The following SPON1 variants were observed in gnomAD, a reference collection of about 807,000 sequenced individuals.
SPON1 encodes the protein spondin-1.
SPON1 carries 52 observed loss-of-function variants against 111.7 expected under a neutral mutation model. The ratio of observed to expected loss-of-function variants is 0.47; its 90% confidence interval spans 0.37 to 0.59. The LOEUF (loss-of-function observed/expected upper bound fraction) is 0.59, where lower values mean the gene tolerates loss of function less well. Ranked by LOEUF, SPON1 falls within the 20% of genes least tolerant of loss-of-function variation. The probability of loss-of-function intolerance (pLI) is 0.00; values close to 1 mark genes in which losing one functional copy is unlikely to be tolerated. For synonymous variants in SPON1, 410 were observed against 395.8 expected, an observed-to-expected ratio of 1.04 and a Z score of -0.43; for missense variants, 957 against 1,068.5, an observed-to-expected ratio of 0.90 and a Z score of 1.46.
chr11:14,137,690 G>A (rs1554928266), intron 6 of SPON1, among the ~76,000 whole-genome samples: 1 of 152,186 alleles, frequency 6.6e-6, no homozygotes, highest in African/African-American at 2.4e-5. Flanking sequence ...GAAACTTGTT[G>A]AGAATCTCAA....
At chr11:13,966,370 C>A (rs1373797128) in intron 1 of SPON1, among the ~76,000 whole-genome samples, 2 of 152,192 alleles carry the variant, frequency 1.3e-5, no homozygotes, top group African/African-American at 2.4e-5. Flanking sequence ...CAGGACCAGC[C>A]TTTCCCAGAT....
intron 6 of SPON1, among the ~76,000 whole-genome samples, chr11:14,170,570 T>C (rs1431972325): frequency 3.9e-5 from 6 of 152,022 alleles, no homozygotes; most frequent in South Asian, 2.1e-4. Flanking sequence ...CCCTGTCTTG[T>C]GCCAGTTTTC....
chr11:14,111,967 C>A (rs574392146), intron 5 of SPON1, among the ~76,000 whole-genome samples: 1 of 151,854 alleles, frequency 6.6e-6, no homozygotes, highest in Non-Finnish European at 1.5e-5. Flanking sequence ...GAGTTCTGAA[C>A]ACTCAACACT....
chr11:13,984,466 G>T (rs1554910081), intron 2 of SPON1, among the ~76,000 whole-genome samples: 1 of 152,090 alleles, frequency 6.6e-6, no homozygotes, highest in South Asian at 2.1e-4. Flanking sequence ...ATTATCCCAT[G>T]GGGAAAGGCA....
intron 6 of SPON1, among the ~76,000 whole-genome samples, chr11:14,216,030 G>A (rs10766174): frequency 0.54 from 81,983 of 152,070 alleles, 22,239 homozygotes; most frequent in Middle Eastern, 0.6. Context: ...CAAATAGAAC[G>A]TAGGGAAAAT....
Position 14,067,024 on chromosome 11 carries a change from A to G in SPON1, c.480-8321A>G, listed in dbSNP as rs367843360. On this transcript the variant is annotated intron_variant, in intron 3 of 15. Transcript: ENST00000576479. The stretch of plus-strand genomic sequence containing the variant: ...CCCATCTATACCAAAAAAAAATGTA[A>G]AAAGCAGCCAAGCATAGTGGCAGGC... Among the ~76,000 whole-genome samples the G allele has an allele frequency of 4.6e-5, 7 of 152,102 alleles. No individual in the cohort carries two copies. In the East Asian group the frequency reaches 1.4e-3, roughly 29 times the overall value.
At chr11:14,039,134 C>A (rs1359658011) in intron 2 of SPON1, among the ~76,000 whole-genome samples, 2 of 152,104 alleles carry the variant, frequency 1.3e-5, no homozygotes, top group African/African-American at 4.8e-5. Flanking sequence ...CTATGACATT[C>A]AGGAAAAGGC....
rs915538612 is a variant in SPON1, at chr11:13,980,933, C to T, written c.239-1914C>T. Among the ~76,000 whole-genome samples, 8 of 152,036 alleles carry T rather than the reference C, an allele frequency of 5.3e-5. No individual in the cohort carries two copies. In the East Asian group the frequency reaches 9.6e-4, roughly 18 times the overall value. On this transcript the variant is annotated intron_variant, in intron 1 of 15. Coordinates refer to ENST00000576479, the MANE Select transcript of SPON1 (RefSeq NM_006108.4). ...CCTTTCTATGTTTTACTTTCCTATC[C>T]GTGAAATTGGAGAGCTGAATTAGAA...
chr11:14,245,330 A>G (rs1328791967), intron 7 of SPON1, among the ~76,000 whole-genome samples: 1 of 152,212 alleles, frequency 6.6e-6, no homozygotes, highest in African/African-American at 2.4e-5. Context: ...AGCCCTGCAC[A>G]TGCAGTCCTA....
At chr11:14,020,284 C>G (rs1380553476) in intron 2 of SPON1, among the ~76,000 whole-genome samples, 1 of 152,082 alleles carries the variant, frequency 6.6e-6, no homozygotes, top group Non-Finnish European at 1.5e-5. Context: ...GAGAAGCACC[C>G]CAAAGGGAAG....
At chr11:14,206,881 A>C (rs1848522920) in intron 6 of SPON1, among the ~76,000 whole-genome samples, 1 of 152,196 alleles carries the variant, frequency 6.6e-6, no homozygotes, top group Non-Finnish European at 1.5e-5. Flanking sequence ...CTAGAAAAAA[A>C]CTATTTTAAA....
At chr11:13,972,836 CT>C (rs1848073463) in intron 1 of SPON1, among the ~76,000 whole-genome samples, 1 of 152,144 alleles carries the variant, frequency 6.6e-6, no homozygotes, top group Admixed American at 6.5e-5. Flanking sequence ...GTCAACCTAA[CT>C]AAAGCAGAAA....
intron 6 of SPON1, among the ~76,000 whole-genome samples, chr11:14,200,297 C>A (rs1319837019): frequency 2.0e-5 from 3 of 152,144 alleles, no homozygotes; most frequent in African/African-American, 7.2e-5. Context: ...CAGTTCTTTG[C>A]ACAGTGCTTT....
At chr11:14,002,798 G>A (rs1240577055) in intron 2 of SPON1, among the ~76,000 whole-genome samples, 1 of 152,038 alleles carries the variant, frequency 6.6e-6, no homozygotes, top group Admixed American at 6.6e-5. Flanking sequence ...GGGAACCAGG[G>A]CACTGTTGAG....
chr11:14,226,429 C>T (rs1268344262), intron 6 of SPON1, among the ~76,000 whole-genome samples: 1 of 152,224 alleles, frequency 6.6e-6, no homozygotes, highest in African/African-American at 2.4e-5. Context: ...GTACACTGTA[C>T]AGTATCGGTT....
intron 6 of SPON1, among the ~76,000 whole-genome samples, chr11:14,140,432 T>C (rs1293477002): frequency 6.6e-6 from 1 of 152,232 alleles, no homozygotes; most frequent in East Asian, 1.9e-4. Flanking sequence ...TTCACTCTTG[T>C]CACCCTGGCT....
chr11:14,218,451 A>G (rs1848648030), intron 6 of SPON1, among the ~76,000 whole-genome samples: 1 of 152,158 alleles, frequency 6.6e-6, no homozygotes, highest in Non-Finnish European at 1.5e-5. Context: ...CTGATAAAAT[A>G]TGATCTCCCT....
At position 14,065,337 on chromosome 11, in the gene SPON1, G is replaced by A. The variant is rs984830897; in HGVS notation, c.480-10008G>A. 4.6e-5 allele frequency among the ~76,000 whole-genome samples: 7 copies of A among 152,184 alleles called. No individual in the cohort carries two copies. The East Asian group carries it at 9.6e-4, about 21-fold the overall frequency. ...GCCAAGGCAAAGTGGGACGAACTGC[G>A]GAGAGTAATGACTTGCATGAACCCA... On this transcript the variant is annotated intron_variant, in intron 3 of 15. Transcript: ENST00000576479.
intron 6 of SPON1, among the ~76,000 whole-genome samples, chr11:14,151,349 A>C (rs570957263): frequency 1.3e-5 from 2 of 152,222 alleles, no homozygotes; most frequent in Admixed American, 6.5e-5. Flanking sequence ...TGGACCTGCA[A>C]AGAAAGGTGG....
Sources: allele counts gnomAD v4.1 joint callset (sites outside exome capture counted in the v4.1 genomes callset), GRCh38; gene constraint gnomAD v4.1.1; transcripts MANE v1.5; gene names NCBI Gene and HGNC (gene_info 2026-07-23, HGNC 2026-07-21).